RABGAP1: variants seen among roughly 807,000 people sequenced by gnomAD.
RABGAP1 encodes RAB GTPase activating protein 1.
RABGAP1 carries 23 observed loss-of-function variants against 137.6 expected under a neutral mutation model. The ratio of observed to expected loss-of-function variants is 0.17; its 90% CI spans 0.12 to 0.24. The LOEUF is 0.24. RABGAP1 is among the 10% of genes least tolerant of loss of function. The pLI is 1.00. For missense variants in RABGAP1, 906 were observed against 1,275.8 expected (o/e 0.71, Z 4.42); for synonymous variants, 451 against 450.7 (o/e 1.00, Z -0.01).
chr9:123,002,732 T>G (rs1325217523), intron 10 of RABGAP1, among the ~76,000 whole-genome samples: 2 of 152,104 alleles, frequency 1.3e-5, no homozygotes, highest in East Asian at 3.8e-4. Flanking sequence ...GTTATTCAAA[T>G]AATAACATAA....
intron 13 of RABGAP1, among the ~76,000 whole-genome samples, chr9:123,047,003 C>T (rs560996549): frequency 6.6e-6 from 1 of 152,314 alleles, no homozygotes; most frequent in South Asian, 2.1e-4. Flanking sequence ...GGTATTAAAC[C>T]TCCTTTAGAC....
intron 6 of RABGAP1, among the ~76,000 whole-genome samples, chr9:122,992,009 T>C (rs938592340): frequency 3.3e-5 from 5 of 152,138 alleles, no homozygotes; most frequent in Non-Finnish European, 7.4e-5. Flanking sequence ...TTTTTTACCT[T>C]GTTAAGCAAC....
chr9:123,005,167 A>C (rs190012872), intron 10 of RABGAP1, among the ~76,000 whole-genome samples: 2 of 152,064 alleles, frequency 1.3e-5, no homozygotes, highest in Non-Finnish European at 2.9e-5. Flanking sequence ...ATGTTTCAGT[A>C]AGATTATAAA....
At chr9:123,088,205 C>T (rs2034927719) in intron 19 of RABGAP1, among the ~76,000 whole-genome samples, 1 of 151,890 alleles carries the variant, frequency 6.6e-6, no homozygotes, top group Non-Finnish European at 1.5e-5. Flanking sequence ...CACATGCCAC[C>T]ATACCTGGCC....
intron 13 of RABGAP1, among the ~76,000 whole-genome samples, chr9:123,022,665 A>G (rs2031717295): frequency 6.6e-6 from 1 of 152,034 alleles, no homozygotes; most frequent in Non-Finnish European, 1.5e-5. Context: ...TCGACCTCCC[A>G]AAGTGCTGGG....
intron 10 of RABGAP1, among the ~76,000 whole-genome samples, chr9:123,001,805 C>T (rs561098307): frequency 6.6e-6 from 1 of 152,124 alleles, no homozygotes. Context: ...GAATAGTTCC[C>T]AGTACATAGT....
chr9:122,962,356 CA>C (rs1482992028), intron 2 of RABGAP1, among the ~76,000 whole-genome samples: 1 of 151,270 alleles, frequency 6.6e-6, no homozygotes, highest in Non-Finnish European at 1.5e-5. Context: ...AAAAAACAAA[CA>C]AACCCCCACA....
intron 13 of RABGAP1, among the ~76,000 whole-genome samples, chr9:123,057,319 T>G (rs1375738689): frequency 2.0e-4 from 21 of 102,966 alleles, no homozygotes; most frequent in African/African-American, 4.7e-4. Flanking sequence ...GGGCGGAGGG[T>G]CTCCTCACTT....
intron 13 of RABGAP1, among the ~76,000 whole-genome samples, chr9:123,052,720 A>G (rs2132067930): frequency 6.6e-6 from 1 of 152,290 alleles, no homozygotes; most frequent in East Asian, 1.9e-4. Context: ...ACTTGAGGCT[A>G]GGAGTTCGAG....
chr9:122,980,243 T>G (rs1028436930), intron 2 of RABGAP1, among the ~76,000 whole-genome samples: 22 of 152,248 alleles, frequency 1.4e-4, no homozygotes, highest in Admixed American at 3.9e-4. Flanking sequence ...ACTTCTGATC[T>G]ATACCATTAA....
chr9:122,975,268 G>A (rs913543326), intron 2 of RABGAP1, among the ~76,000 whole-genome samples: 2 of 152,150 alleles, frequency 1.3e-5, no homozygotes, highest in African/African-American at 4.8e-5. Flanking sequence ...ATCCCAAACT[G>A]CCTGAAGTAG....
chr9:122,954,742 G>A (rs749145716), intron 1 of RABGAP1, among the ~76,000 whole-genome samples: 12 of 152,094 alleles, frequency 7.9e-5, no homozygotes, highest in Admixed American at 1.3e-4. Flanking sequence ...GAGTGTTTTG[G>A]GACAAGGCCC....
chr9:123,087,100 A>G (rs1455882021), intron 19 of RABGAP1, among the ~76,000 whole-genome samples: 1 of 152,248 alleles, frequency 6.6e-6, no homozygotes, highest in East Asian at 1.9e-4. Context: ...ATTATTTACC[A>G]GGTACTTATC....
intron 13 of RABGAP1, among the ~76,000 whole-genome samples, chr9:123,060,269 T>C (rs2033916641): frequency 6.6e-6 from 1 of 152,244 alleles, no homozygotes; most frequent in Non-Finnish European, 1.5e-5. Flanking sequence ...CTCAGAAAGT[T>C]CCCTTATGCC....
chr9:122,996,892 A>G, intron 8 of RABGAP1: 1 of 445,318 alleles, frequency 2.2e-6, no homozygotes, highest in Non-Finnish European at 4.1e-6. Flanking sequence ...TTAAAGAATG[A>G]TTTATAGACT....
intron 12 of RABGAP1, among the ~76,000 whole-genome samples, chr9:123,016,919 C>G (rs1588275827): frequency 1.3e-5 from 2 of 152,094 alleles, no homozygotes; most frequent in South Asian, 2.1e-4. Flanking sequence ...ACACTTTTGA[C>G]AAAACACTCT....
intron 13 of RABGAP1, among the ~76,000 whole-genome samples, chr9:123,060,782 G>T (rs538621951): frequency 2.7e-4 from 41 of 152,276 alleles, no homozygotes; most frequent in African/African-American, 7.2e-4. Flanking sequence ...GGGTTTTATT[G>T]AAACGTGTAC....
intron 2 of RABGAP1, among the ~76,000 whole-genome samples, chr9:122,975,555 T>C (rs138620078): frequency 1.3e-5 from 2 of 152,336 alleles, no homozygotes; most frequent in East Asian, 3.9e-4. Context: ...ATAGTAGGTG[T>C]GTTCTTAGAG....
Position 123,061,008 on chromosome 9 carries a change from T to C in RABGAP1, c.1795-4340T>C, listed in dbSNP as rs549018251. 3.3e-5 allele frequency among the ~76,000 whole-genome samples: 5 copies of C among 152,386 alleles called. No individual in the cohort carries two copies. The South Asian group carries it at 1.0e-3, about 32-fold the overall frequency. On this transcript the variant is annotated intron_variant, in intron 13 of 25. Coordinates refer to ENST00000373647, the MANE Select transcript of RABGAP1 (RefSeq NM_012197.4). Reference sequence around the variant, plus strand: ...ACAAAAATCTTCTCTCTGGTCATGCTGACCATAACAAATTACTGTGTTGTA... The same window carrying C: ...ACAAAAATCTTCTCTCTGGTCATGCCGACCATAACAAATTACTGTGTTGTA...
Sources: gnomAD v4.1 joint callset for allele counts (sites outside exome capture counted in the v4.1 genomes callset) on GRCh38, gnomAD v4.1.1 for gene constraint, MANE v1.5 for transcripts, NCBI Gene and HGNC (gene_info 2026-07-23, HGNC 2026-07-21) for gene names.